The following LAMP3 variants were observed in gnomAD, a reference collection of about 807,000 sequenced individuals.
LAMP3 encodes lysosome associated membrane protein 3, also known as lysosome-associated membrane glycoprotein 3.
In LAMP3, 26 loss-of-function variants were observed where a neutral mutation model predicts 34.8. The observed-to-expected ratio is 0.75, with a 90% CI of 0.55 to 1.04. The LOEUF (loss-of-function observed/expected upper bound fraction) is 1.04, where lower values mean the gene tolerates loss of function less well. LAMP3 is among the 50% of genes least tolerant of loss of function. LAMP3 has a pLI of 0.00. For missense variants in LAMP3, 495 were observed against 524.0 expected (o/e 0.94, Z 0.54); for synonymous variants, 180 against 201.9 (o/e 0.89, Z 0.92).
intron 5 of LAMP3, among the ~76,000 whole-genome samples, chr3:183,134,864 T>C (rs1176411679): frequency 1.3e-5 from 2 of 152,246 alleles, no homozygotes; most frequent in Non-Finnish European, 2.9e-5. Flanking sequence ...TCACATTTTT[T>C]AGTTATTATG....
At position 183,130,356 on chromosome 3, in the gene LAMP3, C is replaced by T. The variant is rs530481017; in HGVS notation, c.1117+5361G>A. ...TGTGTTTTTAGTAGAAACGGGGTTT[C>T]ACTATGTTAGCTAGGATGGTCTCGA... On this transcript the variant is annotated intron_variant, in intron 5 of 5. Transcript: ENST00000265598. Among the ~76,000 whole-genome samples the T allele has an allele frequency of 4.6e-5, 7 of 152,074 alleles. No homozygotes were observed. The South Asian group carries it at 1.0e-3, about 23-fold the overall frequency.
At chr3:183,156,570 A>G (rs934337668) in intron 1 of LAMP3, among the ~76,000 whole-genome samples, 3 of 152,184 alleles carry the variant, frequency 2.0e-5, no homozygotes, top group African/African-American at 7.2e-5. Context: ...GTTCATACCC[A>G]GTAAAAATAA....
intron 5 of LAMP3, among the ~76,000 whole-genome samples, chr3:183,128,286 A>G (rs1719831953): frequency 6.6e-6 from 1 of 152,116 alleles, no homozygotes; most frequent in Non-Finnish European, 1.5e-5. Context: ...TCCCCATTAG[A>G]TGATTCCTTT....
At chr3:183,140,678 C>A in intron 3 of LAMP3, 83 bp from the exon 4 acceptor site, 1 of 887,266 alleles carries the variant, frequency 1.1e-6, no homozygotes, top group Non-Finnish European at 1.9e-6. Flanking sequence ...GTTTAAGATT[C>A]CAGCTATTAA....
At chr3:183,135,096 C>T (rs1259770413) in intron 5 of LAMP3, among the ~76,000 whole-genome samples, 1 of 152,220 alleles carries the variant, frequency 6.6e-6, no homozygotes, top group African/African-American at 2.4e-5. Flanking sequence ...GACCTGTTTT[C>T]CTCCAGGGCA....
At chr3:183,125,846 T>G (rs1273785870) in intron 5 of LAMP3, among the ~76,000 whole-genome samples, 1 of 152,162 alleles carries the variant, frequency 6.6e-6, no homozygotes, top group Non-Finnish European at 1.5e-5. Flanking sequence ...CTGGGCCAAT[T>G]TTTTATTTTT....
intron 4 of LAMP3, among the ~76,000 whole-genome samples, chr3:183,138,891 T>A (rs1018807633): frequency 1.3e-5 from 2 of 152,112 alleles, no homozygotes; most frequent in Non-Finnish European, 2.9e-5. Context: ...ATTAGCCAGC[T>A]CACCCCTTAG....
intron 3 of LAMP3, among the ~76,000 whole-genome samples, chr3:183,145,642 G>C (rs1440788397): frequency 6.6e-6 from 1 of 152,136 alleles, no homozygotes; most frequent in East Asian, 1.9e-4. Context: ...GATCAGCTGA[G>C]GTCAGGACTT....
At chr3:183,142,595 C>T (rs547020883) in intron 3 of LAMP3, among the ~76,000 whole-genome samples, 6 of 151,870 alleles carry the variant, frequency 4.0e-5, no homozygotes, top group South Asian at 4.2e-4. Context: ...AAGCATCTAC[C>T]GCAGATGCAT....
intron 3 of LAMP3, among the ~76,000 whole-genome samples, chr3:183,147,199 T>C (rs1292336343): frequency 6.6e-6 from 1 of 151,946 alleles, no homozygotes; most frequent in Admixed American, 6.6e-5. Context: ...GCCAAGATCG[T>C]GTCACTGCAC....
rs551132429 is a variant in LAMP3 at position 183,131,556 on chromosome 3, C to T, written c.1117+4161G>A. 3.3e-5 allele frequency among the ~76,000 whole-genome samples: 5 copies of T among 152,294 alleles called. No individual in the cohort carries two copies. The East Asian group carries it at 9.6e-4, about 29-fold the overall frequency. ...TAAGAGGGAAACAGACATTTTCTGA[C>T]ACTCTGGATGTCTTCAGGGGCTCTT... On this transcript the variant is annotated intron_variant, in intron 5 of 5. Transcript: ENST00000265598.
intron 1 of LAMP3, among the ~76,000 whole-genome samples, chr3:183,158,675 A>G (rs186635940): frequency 6.6e-6 from 1 of 152,212 alleles, no homozygotes; most frequent in East Asian, 1.9e-4. Context: ...CAGTGATCTC[A>G]CAAGGGATTG....
chr3:183,138,972 ATC>A (rs1429278314), intron 4 of LAMP3, among the ~76,000 whole-genome samples: 1 of 152,072 alleles, frequency 6.6e-6, no homozygotes, highest in Non-Finnish European at 1.5e-5. Flanking sequence ...AAAGAGCTGA[ATC>A]TCTCTGCTCA....
intron 5 of LAMP3, among the ~76,000 whole-genome samples, chr3:183,130,949 T>G (rs1576869343): frequency 6.6e-6 from 1 of 152,030 alleles, no homozygotes; most frequent in Admixed American, 6.6e-5. Flanking sequence ...GGGAGGCAGG[T>G]GAGGAGCCCA....
chr3:183,162,213 C>A (rs147625943), intron 1 of LAMP3, among the ~76,000 whole-genome samples: 19 of 152,076 alleles, frequency 1.2e-4, no homozygotes, highest in African/African-American at 4.6e-4. Context: ...CTTTGACACT[C>A]TTCCTACACC....
chr3:183,162,916 G>C (rs536964854), upstream of LAMP3: 888 of 482,522 alleles, frequency 1.8e-3, 2 homozygotes, highest in Non-Finnish European at 2.0e-3. Flanking sequence ...CGTGGTCCCG[G>C]CAGCGCCGGC....
upstream of LAMP3, chr3:183,162,775 A>C: frequency 2.1e-6 from 2 of 947,518 alleles, no homozygotes; most frequent in Non-Finnish European, 3.0e-6. Context: ...AAGCAGCCGA[A>C]AAGCCCGCCC....
At chr3:183,128,613 G>T (rs1473297770) in intron 5 of LAMP3, among the ~76,000 whole-genome samples, 7 of 152,100 alleles carry the variant, frequency 4.6e-5, no homozygotes, top group African/African-American at 1.4e-4. Flanking sequence ...GCCCATAATT[G>T]TTTAGTATGT....
intron 4 of LAMP3, among the ~76,000 whole-genome samples, chr3:183,137,084 G>C (rs1720120565): frequency 6.6e-6 from 1 of 152,118 alleles, no homozygotes; most frequent in Non-Finnish European, 1.5e-5. Flanking sequence ...TTGGGAGGCT[G>C]AGGCAGGCAG....
Sources: allele counts gnomAD v4.1 joint callset (sites outside exome capture counted in the v4.1 genomes callset), GRCh38; gene constraint gnomAD v4.1.1; transcripts MANE v1.5; gene names NCBI Gene and HGNC (gene_info 2026-07-23, HGNC 2026-07-21).